Variants in SLC16A5 observed in about 807,000 individuals in gnomAD.
SLC16A5 encodes the protein solute carrier family 16 member 5, also known as monocarboxylate transporter 6.
Under a neutral mutation model 33.2 loss-of-function variants are expected in SLC16A5, and 29 were observed. The ratio of observed to expected loss-of-function variants is 0.87; its 90% CI spans 0.65 to 1.19. SLC16A5 has a LOEUF of 1.19. Ranked by LOEUF, SLC16A5 falls within the 50% of genes most tolerant of loss-of-function variation. SLC16A5 has a pLI of 0.00. For synonymous variants in SLC16A5, 248 were observed against 284.1 expected (o/e 0.87, Z 1.28); for missense variants, 606 against 678.2 (o/e 0.89, Z 1.18).
chr17:75,094,936 C>A (rs935456543), intron 3 of SLC16A5, among the ~76,000 whole-genome samples: 1 of 152,164 alleles, frequency 6.6e-6, no homozygotes, highest in Non-Finnish European at 1.5e-5. Context: ...CTGCAGTCGC[C>A]GTGGACACAG....
intron 4 of SLC16A5, 117 bp downstream of exon 4, chr17:75,098,298 C>T: frequency 2.2e-6 from 3 of 1,364,106 alleles, no homozygotes; most frequent in East Asian, 2.4e-5. Context: ...TGCGGTGGCT[C>T]ACACCTGTTA....
At position 75,089,709 on chromosome 17, in the gene SLC16A5, G is replaced by A. The variant is rs887019655; in HGVS notation, c.-49+405G>A. Among the ~76,000 whole-genome samples, 10 of 141,878 alleles carry A rather than the reference G, an allele frequency of 7.0e-5. 1 individual carries two copies. Among genetic ancestry groups the A allele is most frequent in the Admixed American group, 6.7e-4 (9 of 13,530 alleles). The allele number at this position is 141,878 out of a possible 152,430, so 93.1% of individuals were successfully genotyped here. ...GCAGAGATTGCAGTGAGCTGAGATT[G>A]TACCACTGCACTCTAGCCTGGGAGA... On this transcript the variant is annotated intron_variant, in intron 2 of 6. Coordinates refer to ENST00000329783, the MANE Select transcript of SLC16A5 (RefSeq NM_004695.4).
rs145814104 is a variant in SLC16A5, at chr17:75,098,469, C to T, written c.343+288C>T. Among the ~76,000 whole-genome samples the T allele has an allele frequency of 6.9e-3, 1,054 of 152,208 alleles. 7 individuals are homozygous for T. Among genetic ancestry groups the T allele is most frequent in the Middle Eastern group, 0.027 (8 of 294 alleles). ...TAGTCCCAGCTACTCGAGGCTGAGG[C>T]AGGAGAATCGCCCGGGAAGTGGAGG... On this transcript the variant is annotated intron_variant, in intron 4 of 6. Coordinates refer to ENST00000329783, the MANE Select transcript of SLC16A5 (RefSeq NM_004695.4).
Position 75,093,759 on chromosome 17 carries a change from G to T in SLC16A5, c.123G>T (p.Leu41Phe). 1 of 1,614,168 alleles carries T rather than the reference G, an allele frequency of 6.2e-7. No individual in the cohort carries two copies. The highest frequency in any genetic ancestry group is 8.5e-7 in the Non-Finnish European group (1 of 1,179,982). The change falls in exon 3 of 7, where the codon TTG becomes TTT. Residue 41 changes from leucine (L) to phenylalanine (F), a missense_variant. By Grantham distance (22) the Leu-to-Phe change is conservative. Transcript: ENST00000329783. ...GTATCGGCATCTTCTTCACTGAATTGCAATGGGAGTTCCAGGCCAGCAACA... is the reference window on the plus strand; with the variant it reads ...GTATCGGCATCTTCTTCACTGAATTTCAATGGGAGTTCCAGGCCAGCAACA... ...PTCIGIFFTE[L>F]QWEFQASNSE... is the part of the protein sequence containing the mutation.
rs1568004537 is a variant in SLC16A5, at chr17:75,093,687, G to A, written c.51G>A (p.Leu17=). The change falls in exon 3 of 7, where the codon CTG becomes CTA. Residue 17 remains leucine (L), a synonymous_variant. Coordinates refer to ENST00000329783, the MANE Select transcript of SLC16A5 (RefSeq NM_004695.4). ...ATGGCAGCTGGGCCTGGGTGGTGCT[G>A]CTGGCCACCATGGTGACCCAGGGCC... ...RADGSWAWVV[L]LATMVTQGLT... 1 of 1,613,862 alleles carries A rather than the reference G, an allele frequency of 6.2e-7. No individual in the cohort carries two copies. The highest frequency in any genetic ancestry group is 8.5e-7 in the Non-Finnish European group (1 of 1,179,996).
At chr17:75,096,841 C>CTTTTTTT (rs71361652) in intron 3 of SLC16A5, among the ~76,000 whole-genome samples, 1 of 65,330 alleles carries the variant, frequency 1.5e-5, no homozygotes, top group Non-Finnish European at 2.7e-5. Flanking sequence ...CACTCCATCA[C>CTTTTTTT]TTTTTTTTTT....
In SLC16A5 at chr17:75,100,644, C is replaced by T. The variant is rs1302744230; in HGVS notation, c.981C>T (p.Asp327=). 1.2e-6 allele frequency: 2 copies of T among 1,614,104 alleles called. No homozygotes were observed. Among genetic ancestry groups the T allele is most frequent in the East Asian group, 2.2e-5 (1 of 44,900 alleles). ...ACCTGGTGTGTGCGGCATCAGGTGA[C>T]TTCTGGGTGCTCGTGGGCTACTGCC... ...LTNLVCAASG[D]FWVLVGYCLA... The change falls in exon 5 of 7, where the codon GAC becomes GAT. Residue 327 remains aspartate (D), a synonymous_variant. Transcript: ENST00000329783.
At chr17:75,103,091 G>C (rs1200913400) in intron 5 of SLC16A5, among the ~76,000 whole-genome samples, 1 of 152,102 alleles carries the variant, frequency 6.6e-6, no homozygotes, top group Non-Finnish European at 1.5e-5. Context: ...GGGTTTCACT[G>C]TATTGGCCAG....
intron 2 of SLC16A5, among the ~76,000 whole-genome samples, chr17:75,092,982 C>T (rs2073662651): frequency 6.6e-6 from 1 of 151,962 alleles, no homozygotes; most frequent in African/African-American, 2.4e-5. Flanking sequence ...GTGGATGAGG[C>T]CCATGCTTTC....
chr17:75,099,820 G>A (rs1267406480), intron 4 of SLC16A5, 187 bp from the exon 5 acceptor site: 1 of 607,152 alleles, frequency 1.6e-6, no homozygotes, highest in African/African-American at 1.9e-5. Context: ...GGGCAGATCT[G>A]GGGTGGGGTG....
intron 5 of SLC16A5, among the ~76,000 whole-genome samples, chr17:75,103,405 C>T (rs1360754988): frequency 2.0e-5 from 3 of 150,094 alleles, no homozygotes; most frequent in Non-Finnish European, 3.0e-5. Flanking sequence ...TCTTGGTTCA[C>T]TGCAACCTCT....
At chr17:75,104,321 C>A in intron 6 of SLC16A5, 141 bp downstream of exon 6, 9 of 1,471,494 alleles carry the variant, frequency 6.1e-6, no homozygotes, top group South Asian at 1.4e-5. Flanking sequence ...TGAAGAGTAG[C>A]CCAGGAAGCC....
At chr17:75,101,281 C>G (rs1197386570) in intron 5 of SLC16A5, among the ~76,000 whole-genome samples, 2 of 143,750 alleles carry the variant, frequency 1.4e-5, no homozygotes, top group African/African-American at 5.2e-5. Flanking sequence ...GGGTTTGTGA[C>G]CAGGTGCGGT....
intron 2 of SLC16A5, among the ~76,000 whole-genome samples, chr17:75,093,131 T>C (rs2073665403): frequency 6.6e-6 from 1 of 152,078 alleles, no homozygotes; most frequent in Admixed American, 6.6e-5. Flanking sequence ...CGAAAGTCTG[T>C]GTTTGTATGC....
chr17:75,105,247 G>A lies in SLC16A5; in HGVS notation c.1365-633G>A, dbSNP rs1424138607. The A allele has an allele frequency of 3.0e-6, 3 of 985,348 alleles. No individual in the cohort carries two copies. In the East Asian group the frequency reaches 3.4e-4, roughly 112 times the overall value. 61.0% of individuals were successfully genotyped at this position (985,348 alleles called of 1,614,324 possible). A position where few individuals can be genotyped will look rare whatever the true frequency, so the allele number is the denominator to read the frequency against. On this transcript the variant is annotated intron_variant, in intron 6 of 6. Coordinates refer to ENST00000329783, the MANE Select transcript of SLC16A5 (RefSeq NM_004695.4). ...GTCTGAGGGCCCCCCTGCAGTCTCA[G>A]CAGGACCTGCTCTATCAAGGGGCTT...
rs1267886183 is a variant in SLC16A5, at chr17:75,100,585, T to TTCAGCCTGGCACTCCTGC, written c.926_943dup (p.Ser309_Leu314dup). 6.2e-7 allele frequency: 1 copy of TTCAGCCTGGCACTCCTGC among 1,614,204 alleles called. No individual in the cohort carries two copies. The highest frequency in any genetic ancestry group is 8.5e-7 in the Non-Finnish European group (1 of 1,180,036). ...CTTTGCTAGCCACCGCAAGTACCTG[T>TTCAGCCTGGCACTCCTGC]TCAGCCTGGCACTCCTGCTCAATGG... is the stretch of plus-strand genomic sequence containing the variant. On this transcript the variant is annotated inframe_insertion, in exon 5 of 7. Coordinates refer to ENST00000329783, the MANE Select transcript of SLC16A5 (RefSeq NM_004695.4).
At position 75,102,879 on chromosome 17, in the gene SLC16A5, C is replaced by T. The variant is rs549603737; in HGVS notation, c.1154-1091C>T. ...TCCCTAGTAGCTGGGATTACAGGCA[C>T]GCGCCACACGCCCGGCTAATTTTTT... On this transcript the variant is annotated intron_variant, in intron 5 of 6. Transcript: ENST00000329783. Among the ~76,000 whole-genome samples the T allele has an allele frequency of 1.1e-4, 17 of 148,086 alleles. No individual in the cohort carries two copies. In the South Asian group the frequency reaches 2.9e-3, roughly 25 times the overall value.
At chr17:75,092,620 C>T (rs868362707) in intron 2 of SLC16A5, among the ~76,000 whole-genome samples, 12 of 151,928 alleles carry the variant, frequency 7.9e-5, no homozygotes, top group African/African-American at 2.2e-4. Flanking sequence ...CCATCGTGCC[C>T]GGCCAAGTGT....
chr17:75,103,361 ACT>A (rs1374711320), intron 5 of SLC16A5, among the ~76,000 whole-genome samples: 2 of 120,900 alleles, frequency 1.7e-5, no homozygotes, highest in Non-Finnish European at 3.4e-5. Context: ...ATGGAGTCTC[ACT>A]CTGTTGCCCA....
Sources: gnomAD v4.1 joint callset for allele counts (sites outside exome capture counted in the v4.1 genomes callset) on GRCh38, gnomAD v4.1.1 for gene constraint, MANE v1.5 for transcripts, NCBI Gene and HGNC (gene_info 2026-07-23, HGNC 2026-07-21) for gene names.